DYM: variants seen among roughly 807,000 people sequenced by gnomAD.
The protein encoded by DYM is dyggve-Melchior-Clausen syndrome protein.
In DYM, 78 loss-of-function variants were observed where a neutral mutation model predicts 93.1. The observed-to-expected ratio is 0.84, with a 90% CI of 0.70 to 1.01. DYM has a LOEUF of 1.01. Among genes scored for constraint, DYM ranks in the 50% least tolerant of loss-of-function variants. DYM has a pLI of 0.00. For missense variants in DYM, 789 were observed against 845.0 expected (o/e 0.93, Z 0.82); for synonymous variants, 321 against 319.7 (o/e 1.00, Z -0.04).
intron 11 of DYM, among the ~76,000 whole-genome samples, chr18:49,271,678 T>TAA (rs146092313): frequency 3.4e-4 from 51 of 150,324 alleles, no homozygotes; most frequent in Admixed American, 4.6e-4. Flanking sequence ...ATGCAAAAAA[T>TAA]AAAATAAAAA....
intron 13 of DYM, among the ~76,000 whole-genome samples, chr18:49,245,044 A>C (rs1260052000): frequency 9.2e-5 from 14 of 152,186 alleles, no homozygotes; most frequent in Admixed American, 9.2e-4. Flanking sequence ...ATAATTTCTT[A>C]TGCCTGTCTT....
intron 2 of DYM, among the ~76,000 whole-genome samples, chr18:49,394,651 C>T (rs190769119): frequency 7.2e-5 from 11 of 152,190 alleles, no homozygotes; most frequent in East Asian, 3.9e-4. Flanking sequence ...TTTATTCTTC[C>T]GATACGTAAC....
chr18:49,409,971 G>C lies in DYM; in HGVS notation c.141-18326C>G, dbSNP rs891555008. ...AGAAACGATTTGTGCCTCTTTAGTG[G>C]TTTCTATCATCCAACACTTTTTTCC... On this transcript the variant is annotated intron_variant, in intron 2 of 17. Transcript: ENST00000675505. Among the ~76,000 whole-genome samples, 3 of 152,296 alleles carry C rather than the reference G, an allele frequency of 2.0e-5. No homozygotes were observed. The East Asian group carries it at 5.8e-4, about 29-fold the overall frequency.
chr18:49,318,123 G>A (rs1244633276), intron 8 of DYM, among the ~76,000 whole-genome samples: 3 of 152,086 alleles, frequency 2.0e-5, no homozygotes, highest in Non-Finnish European at 4.4e-5. Flanking sequence ...ACAAACTCAT[G>A]ACCACAATGT....
chr18:49,346,223 A>C (rs11874331), intron 6 of DYM, among the ~76,000 whole-genome samples: 3,856 of 152,290 alleles, frequency 0.025, 152 homozygotes, highest in African/African-American at 0.086. Context: ...AGTAAAAATA[A>C]ACCCAATGCA....
At chr18:49,289,768 TATATACAC>T (rs1184183565) in intron 8 of DYM, among the ~76,000 whole-genome samples, 21 of 44,662 alleles carry the variant, frequency 4.7e-4, no homozygotes, top group Admixed American at 2.5e-3. Flanking sequence ...TATATATATA[TATATACAC>T]ATATATATAT....
intron 10 of DYM, among the ~76,000 whole-genome samples, chr18:49,277,102 T>C (rs2145642749): frequency 6.6e-6 from 1 of 152,246 alleles, no homozygotes; most frequent in African/African-American, 2.4e-5. Context: ...GGGAAAATAA[T>C]GAACCCAATT....
intron 15 of DYM, among the ~76,000 whole-genome samples, chr18:49,152,933 C>G (rs866118908): frequency 1.3e-5 from 2 of 152,236 alleles, no homozygotes; most frequent in Middle Eastern, 3.4e-3. Flanking sequence ...ATCATAGAAT[C>G]AGAGCCGTAC....
intron 13 of DYM, among the ~76,000 whole-genome samples, chr18:49,232,018 T>C (rs1013416715): frequency 7.9e-5 from 12 of 152,356 alleles, no homozygotes; most frequent in Admixed American, 3.3e-4. Flanking sequence ...TATTCAGTTA[T>C]ATATACCTTC....
intron 15 of DYM, among the ~76,000 whole-genome samples, chr18:49,134,218 G>GA (rs891699154): frequency 2.0e-5 from 3 of 152,030 alleles, no homozygotes; most frequent in African/African-American, 7.2e-5. Context: ...AAATGTTGGA[G>GA]AAAAAAACCA....
At chr18:49,045,973 G>A (rs1218420532) in intron 17 of DYM, among the ~76,000 whole-genome samples, 1 of 152,186 alleles carries the variant, frequency 6.6e-6, no homozygotes, top group East Asian at 1.9e-4. Flanking sequence ...GGCAGAGGCA[G>A]GAGCCTAGTC....
At chr18:49,193,313 G>A (rs1400962700) in intron 14 of DYM, among the ~76,000 whole-genome samples, 1 of 151,814 alleles carries the variant, frequency 6.6e-6, no homozygotes, top group Non-Finnish European at 1.5e-5. Context: ...AAAATATTTT[G>A]TATGCATGCT....
chr18:49,323,302 T>TA lies in DYM; in HGVS notation c.763+8561dup, dbSNP rs2062646715. Among the ~76,000 whole-genome samples the TA allele has an allele frequency of 1.3e-5, 2 of 152,188 alleles. 1 individual carries two copies. The highest frequency in any genetic ancestry group is 2.9e-5 in the Non-Finnish European group (2 of 68,032). On this transcript the variant is annotated intron_variant, in intron 8 of 17. Transcript: ENST00000675505. ...CACTAAGCAGAGCTGTGGTTTAAGA[T>TA]AATGACTAGAGCTGAAAGGTACCTT...
intron 14 of DYM, among the ~76,000 whole-genome samples, chr18:49,194,456 T>C (rs920132357): frequency 6.6e-6 from 1 of 152,214 alleles, no homozygotes; most frequent in African/African-American, 2.4e-5. Flanking sequence ...GGATCAAATA[T>C]GAATTTCATA....
chr18:49,037,217 A>G lies in DYM; in HGVS notation c.*6838T>C, dbSNP rs1214003004. On this transcript the variant is annotated 3_prime_UTR_variant, in exon 18 of 18. Transcript: ENST00000675505. The stretch of plus-strand genomic sequence containing the variant: ...GTCCTCTTAATCCTTTTAAATAACC[A>G]ACTTTTGACTTTGATTCCCTTTATT... Among the ~76,000 whole-genome samples, 1 of 152,138 alleles carries G rather than the reference A, an allele frequency of 6.6e-6. No individual in the cohort carries two copies. Among genetic ancestry groups the G allele is most frequent in the African/African-American group, 2.4e-5 (1 of 41,432 alleles).
chr18:49,114,228 A>C (rs2081713083), intron 16 of DYM, among the ~76,000 whole-genome samples: 1 of 152,252 alleles, frequency 6.6e-6, no homozygotes, highest in South Asian at 2.1e-4. Flanking sequence ...ACATGGATTA[A>C]GAATGGTAAA....
intron 15 of DYM, among the ~76,000 whole-genome samples, chr18:49,145,134 T>TATATATATATATATATATATGTATAA (rs1555778609): frequency 2.5e-5 from 2 of 79,574 alleles, no homozygotes; most frequent in Non-Finnish European, 5.1e-5. Context: ...TATATATATA[T>TATATATATATATATATATATGTATAA]AATTTATATA....
At chr18:49,439,938 G>T (rs911926360) in intron 1 of DYM, among the ~76,000 whole-genome samples, 16 of 151,718 alleles carry the variant, frequency 1.1e-4, no homozygotes, top group African/African-American at 3.9e-4. Flanking sequence ...CCAGGATTTT[G>T]AAGTTGCAGT....
intron 14 of DYM, among the ~76,000 whole-genome samples, chr18:49,167,689 T>C (rs1277750470): frequency 6.6e-6 from 1 of 152,200 alleles, no homozygotes; most frequent in Admixed American, 6.5e-5. Context: ...GGAATAAAGA[T>C]ATATGATGTT....
Sources: allele counts gnomAD v4.1 joint callset (sites outside exome capture counted in the v4.1 genomes callset), GRCh38; gene constraint gnomAD v4.1.1; transcripts MANE v1.5; gene names NCBI Gene and HGNC (gene_info 2026-07-23, HGNC 2026-07-21).